SLC2A9: variants seen among roughly 807,000 people sequenced by gnomAD.
The protein encoded by SLC2A9 is solute carrier family 2, facilitated glucose transporter member 9.
In SLC2A9, 39 loss-of-function variants were observed where a neutral mutation model predicts 50.6. The ratio of observed to expected loss-of-function variants is 0.77; its 90% CI spans 0.60 to 1.01. SLC2A9 has a LOEUF of 1.01. SLC2A9 is among the 50% of genes least tolerant of loss of function. SLC2A9 has a pLI of 0.00. For synonymous variants in SLC2A9, 324 were observed against 276.9 expected (o/e 1.17, Z -1.69); for missense variants, 686 against 677.6 (o/e 1.01, Z -0.14).
chr4:9,805,529 T>C (rs1722001577), intron 3 of SLC2A9, among the ~76,000 whole-genome samples: 1 of 152,044 alleles, frequency 6.6e-6, no homozygotes, highest in Non-Finnish European at 1.5e-5. Context: ...TGAAACCCCA[T>C]CTCTACTAGA....
At chr4:9,816,308 G>T (rs1723585873) in intron 3 of SLC2A9, among the ~76,000 whole-genome samples, 1 of 152,166 alleles carries the variant, frequency 6.6e-6, no homozygotes, top group African/African-American at 2.4e-5. Context: ...ATAGTTTTCT[G>T]CTGCTGCTGT....
intron 1 of SLC2A9, among the ~76,000 whole-genome samples, chr4:9,771,582 TG>T (rs1716825098): frequency 6.6e-6 from 1 of 152,248 alleles, no homozygotes; most frequent in Non-Finnish European, 1.5e-5. Context: ...CACATATCAA[TG>T]GGTTCATCCC....
intron 6 of SLC2A9, among the ~76,000 whole-genome samples, chr4:9,927,901 G>A (rs965065032): frequency 2.6e-5 from 4 of 152,178 alleles, no homozygotes; most frequent in South Asian, 2.1e-4. Flanking sequence ...CAATTTACCA[G>A]TTAGCAGATT....
At chr4:9,985,899 C>A in intron 3 of SLC2A9, 106 bp from the exon 4 acceptor site, 3 of 1,516,250 alleles carry the variant, frequency 2.0e-6, no homozygotes, top group Non-Finnish European at 2.7e-6. Flanking sequence ...GTGAGTAGAG[C>A]AAGACTCAGG....
At chr4:9,827,119 G>A (rs1454304438) in intron 11 of SLC2A9, among the ~76,000 whole-genome samples, 1 of 152,144 alleles carries the variant, frequency 6.6e-6, no homozygotes, top group Non-Finnish European at 1.5e-5. Flanking sequence ...ACAAATAAGA[G>A]AGATCAGAAA....
intron 10 of SLC2A9, among the ~76,000 whole-genome samples, chr4:9,845,013 A>G (rs1249935969): frequency 6.7e-6 from 1 of 149,238 alleles, no homozygotes; most frequent in Non-Finnish European, 1.5e-5. Context: ...ACCCTAGAAA[A>G]AGTTCAATTT....
At chr4:9,823,599 A>T (rs924169140), downstream of SLC2A9, among the ~76,000 whole-genome samples, 1 of 152,206 alleles carries the variant, frequency 6.6e-6, no homozygotes, top group Non-Finnish European at 1.5e-5. Flanking sequence ...CATTCTACTC[A>T]TTTGTAAAGT....
chr4:9,928,943 G>C (rs575690534), intron 6 of SLC2A9, among the ~76,000 whole-genome samples: 6 of 152,322 alleles, frequency 3.9e-5, no homozygotes, highest in African/African-American at 1.4e-4. Context: ...AAGGAAGATG[G>C]AAATTCACTG....
chr4:9,858,337 T>A (rs771664878), intron 10 of SLC2A9, among the ~76,000 whole-genome samples: 5 of 152,212 alleles, frequency 3.3e-5, no homozygotes, highest in Admixed American at 6.5e-5. Flanking sequence ...AACATTAGTG[T>A]CTTTGTGACT....
At chr4:10,032,511 G>A (rs1258859303) in intron 1 of SLC2A9, among the ~76,000 whole-genome samples, 2 of 152,148 alleles carry the variant, frequency 1.3e-5, no homozygotes, top group African/African-American at 4.8e-5. Flanking sequence ...TCTTTACAAA[G>A]AGCTGCTGGC....
chr4:9,942,138 A>AGACCTTCTGCAG, intron 5 of SLC2A9, 93 bp from the exon 6 acceptor site: 1 of 1,486,272 alleles, frequency 6.7e-7, no homozygotes, highest in Non-Finnish European at 9.4e-7. Context: ...ACCCTGCAGA[A>AGACCTTCTGCAG]GGTCTTCCTG....
At chr4:9,953,799 G>A (rs148255954) in intron 5 of SLC2A9, among the ~76,000 whole-genome samples, 1 of 44,114 alleles carries the variant, frequency 2.3e-5, no homozygotes, top group South Asian at 3.9e-4. Flanking sequence ...AATTTTGTTT[G>A]TTTGTTTGTT....
At chr4:9,785,901 T>C (rs1483497815) in intron 3 of SLC2A9, among the ~76,000 whole-genome samples, 1 of 152,098 alleles carries the variant, frequency 6.6e-6, no homozygotes, top group Non-Finnish European at 1.5e-5. Flanking sequence ...AGTAGGGTGG[T>C]GAAGCTGCTG....
intron 8 of SLC2A9, among the ~76,000 whole-genome samples, chr4:9,905,307 T>C (rs995357108): frequency 2.0e-5 from 3 of 152,210 alleles, no homozygotes; most frequent in Non-Finnish European, 4.4e-5. Context: ...CCTCCTCCAT[T>C]GGACTGTGAG....
intron 10 of SLC2A9, among the ~76,000 whole-genome samples, chr4:9,877,053 C>T (rs576855834): frequency 6.6e-6 from 1 of 152,188 alleles, no homozygotes; most frequent in South Asian, 2.1e-4. Flanking sequence ...ATACTTTCTG[C>T]TTGGTCCGGA....
intron 1 of SLC2A9, among the ~76,000 whole-genome samples, chr4:10,028,103 G>A (rs1006893903): frequency 6.6e-6 from 1 of 152,144 alleles, no homozygotes; most frequent in African/African-American, 2.4e-5. Context: ...GCTTTGACCA[G>A]GAACCCAGCT....
intron 11 of SLC2A9, among the ~76,000 whole-genome samples, chr4:9,827,667 C>T (rs1452113337): frequency 6.6e-6 from 1 of 152,036 alleles, no homozygotes; most frequent in Non-Finnish European, 1.5e-5. Context: ...AATCATGGTA[C>T]ATGTAGGGTT....
intron 5 of SLC2A9, among the ~76,000 whole-genome samples, chr4:9,978,574 A>C (rs1179244012): frequency 6.6e-6 from 1 of 152,204 alleles, no homozygotes; most frequent in Non-Finnish European, 1.5e-5. Context: ...AGAATTTTAA[A>C]ATATCTTTAG....
chr4:9,999,551 T>C (rs532767807), intron 2 of SLC2A9, among the ~76,000 whole-genome samples: 4 of 151,990 alleles, frequency 2.6e-5, no homozygotes, highest in African/African-American at 7.3e-5. Flanking sequence ...AGAAGAAAGC[T>C]TGGGTGGCCA....
Sources: gnomAD v4.1 joint callset for allele counts (sites outside exome capture counted in the v4.1 genomes callset) on GRCh38, gnomAD v4.1.1 for gene constraint, MANE v1.5 for transcripts, NCBI Gene and HGNC (gene_info 2026-07-23, HGNC 2026-07-21) for gene names.